Variants in ASIC2 observed in about 807,000 individuals in gnomAD.
The protein encoded by ASIC2 is acid-sensing ion channel 2.
ASIC2 carries 25 observed loss-of-function variants against 57.3 expected under a neutral mutation model. The ratio of observed to expected loss-of-function variants is 0.44; its 90% CI spans 0.32 to 0.61. The LOEUF (loss-of-function observed/expected upper bound fraction) is 0.61, where lower values mean the gene tolerates loss of function less well. Ranked by LOEUF, ASIC2 falls within the 20% of genes least tolerant of loss-of-function variation. The probability of loss-of-function intolerance (pLI) is 0.06; values close to 1 mark genes in which losing one functional copy is unlikely to be tolerated. For missense variants in ASIC2, 641 were observed against 738.1 expected (o/e 0.87, Z 1.52); for synonymous variants, 319 against 307.5 (o/e 1.04, Z -0.39).
intron 1 of ASIC2, among the ~76,000 whole-genome samples, chr17:33,121,554 C>G (rs1234362829): frequency 1.3e-5 from 2 of 152,130 alleles, no homozygotes; most frequent in African/African-American, 4.8e-5. Flanking sequence ...CTTAGCAGGG[C>G]CATGCTAATG....
At chr17:33,515,554 CAG>C (rs1439988854) in intron 1 of ASIC2, among the ~76,000 whole-genome samples, 1 of 152,224 alleles carries the variant, frequency 6.6e-6, no homozygotes, top group Non-Finnish European at 1.5e-5. Context: ...GAAGTGTTAG[CAG>C]AGTGTCCAGT....
chr17:33,602,812 T>C (rs576951078), intron 1 of ASIC2, among the ~76,000 whole-genome samples: 5 of 152,346 alleles, frequency 3.3e-5, no homozygotes, highest in Admixed American at 2.0e-4. Flanking sequence ...GCTCTAGCAA[T>C]GGGGCTTAAC....
intron 1 of ASIC2, among the ~76,000 whole-genome samples, chr17:33,571,284 G>A (rs1916430621): frequency 6.6e-6 from 1 of 152,140 alleles, no homozygotes; most frequent in Admixed American, 6.5e-5. Context: ...ACATCATCCT[G>A]TCGCATATTT....
At chr17:33,944,829 G>A (rs1916271356) in intron 1 of ASIC2, among the ~76,000 whole-genome samples, 1 of 152,218 alleles carries the variant, frequency 6.6e-6, no homozygotes, top group African/African-American at 2.4e-5. Context: ...CTCCAGAAGA[G>A]TGTGATGGAG....
intron 1 of ASIC2, among the ~76,000 whole-genome samples, chr17:33,636,896 C>CA (rs1481076277): frequency 4.0e-5 from 6 of 151,672 alleles, no homozygotes; most frequent in Non-Finnish European, 8.8e-5. Flanking sequence ...CACACACACA[C>CA]CACACACCTG....
At chr17:33,921,871 T>C (rs1440537617) in intron 1 of ASIC2, among the ~76,000 whole-genome samples, 1 of 152,128 alleles carries the variant, frequency 6.6e-6, no homozygotes, top group African/African-American at 2.4e-5. Context: ...GTGAATATTA[T>C]CAAATGGGCT....
At chr17:33,872,541 C>A (rs1914445207) in intron 1 of ASIC2, among the ~76,000 whole-genome samples, 1 of 152,138 alleles carries the variant, frequency 6.6e-6, no homozygotes, top group Admixed American at 6.6e-5. Flanking sequence ...ATATTATTAG[C>A]TAGACCTGAG....
At chr17:33,750,526 C>T (rs1237393915) in intron 1 of ASIC2, among the ~76,000 whole-genome samples, 1 of 152,098 alleles carries the variant, frequency 6.6e-6, no homozygotes, top group African/African-American at 2.4e-5. Flanking sequence ...GTTAATAACT[C>T]CAAGATGACT....
intron 1 of ASIC2, among the ~76,000 whole-genome samples, chr17:34,092,772 C>G (rs1335477286): frequency 6.6e-6 from 1 of 152,170 alleles, no homozygotes; most frequent in East Asian, 1.9e-4. Context: ...ATAGCTGAAG[C>G]CCTCCATGGC....
At chr17:33,849,612 A>G (rs1436073825) in intron 1 of ASIC2, among the ~76,000 whole-genome samples, 1 of 152,184 alleles carries the variant, frequency 6.6e-6, no homozygotes, top group Non-Finnish European at 1.5e-5. Context: ...CTTGCCAGGG[A>G]GGAAGCCTTC....
intron 1 of ASIC2, among the ~76,000 whole-genome samples, chr17:33,368,647 A>G (rs1908920214): frequency 6.6e-6 from 1 of 152,122 alleles, no homozygotes; most frequent in Non-Finnish European, 1.5e-5. Flanking sequence ...TCTACTTTCC[A>G]TGTTACCACT....
intron 1 of ASIC2, among the ~76,000 whole-genome samples, chr17:33,436,722 A>G (rs907258674): frequency 6.6e-6 from 1 of 152,058 alleles, no homozygotes; most frequent in Non-Finnish European, 1.5e-5. Flanking sequence ...TCTTTACCGC[A>G]ATACCACAGT....
intron 1 of ASIC2, among the ~76,000 whole-genome samples, chr17:34,092,284 G>A (rs140806328): frequency 6.6e-6 from 1 of 152,322 alleles, no homozygotes; most frequent in East Asian, 1.9e-4. Context: ...AGGCAAAGTG[G>A]TATTGGCCAG....
intron 1 of ASIC2, among the ~76,000 whole-genome samples, chr17:34,092,656 A>C (rs1910375278): frequency 6.6e-6 from 1 of 152,186 alleles, no homozygotes; most frequent in African/African-American, 2.4e-5. Flanking sequence ...AGTCCACACA[A>C]TTTGCCTCAT....
At chr17:33,149,424 G>A (rs1904695297) in intron 1 of ASIC2, among the ~76,000 whole-genome samples, 1 of 152,096 alleles carries the variant, frequency 6.6e-6, no homozygotes, top group African/African-American at 2.4e-5. Flanking sequence ...TTCTGTAGGT[G>A]GACCATAATT....
chr17:33,258,745 G>GA (rs1464757740), intron 1 of ASIC2, among the ~76,000 whole-genome samples: 1 of 152,208 alleles, frequency 6.6e-6, no homozygotes, highest in Non-Finnish European at 1.5e-5. Flanking sequence ...TGTAGAAGAA[G>GA]AAACTAAAGC....
chr17:33,529,386 G>A (rs551272101), intron 1 of ASIC2, among the ~76,000 whole-genome samples: 4 of 152,214 alleles, frequency 2.6e-5, no homozygotes, highest in East Asian at 1.9e-4. Flanking sequence ...GGTACAGAGC[G>A]CGTTTCTTCA....
At chr17:33,186,661 G>C (rs985944108) in intron 1 of ASIC2, among the ~76,000 whole-genome samples, 2 of 152,116 alleles carry the variant, frequency 1.3e-5, no homozygotes, top group Non-Finnish European at 2.9e-5. Context: ...TTTTGCAAAG[G>C]GGGCGAGAGC....
chr17:33,851,041 G>A (rs550124722), intron 1 of ASIC2, among the ~76,000 whole-genome samples: 2 of 152,274 alleles, frequency 1.3e-5, no homozygotes, highest in Non-Finnish European at 2.9e-5. Flanking sequence ...TGCTAGTTTT[G>A]TTGCTACTTT....
Sources: gnomAD v4.1 joint callset for allele counts (sites outside exome capture counted in the v4.1 genomes callset) on GRCh38, gnomAD v4.1.1 for gene constraint, MANE v1.5 for transcripts, NCBI Gene and HGNC (gene_info 2026-07-23, HGNC 2026-07-21) for gene names.